MAGI2: variants seen among roughly 807,000 people sequenced by gnomAD.
MAGI2 encodes membrane-associated guanylate kinase, WW and PDZ domain-containing protein 2.
MAGI2 carries 35 observed loss-of-function variants against 133.3 expected under a neutral mutation model. The ratio of observed to expected loss-of-function variants is 0.26; its 90% CI spans 0.20 to 0.35. The LOEUF (loss-of-function observed/expected upper bound fraction) is 0.35. MAGI2 is among the 10% of genes least tolerant of loss of function. The probability of loss-of-function intolerance (pLI) is 1.00; values close to 1 mark genes in which losing one functional copy is unlikely to be tolerated. For missense variants in MAGI2, 1,636 were observed against 1,863.4 expected, an observed-to-expected ratio of 0.88 and a Z score of 2.25; for synonymous variants, 729 against 710.6, an observed-to-expected ratio of 1.03 and a Z score of -0.41.
chr7:78,301,144 T>C (rs950626135), intron 9 of MAGI2, among the ~76,000 whole-genome samples: 6 of 152,194 alleles, frequency 3.9e-5, no homozygotes, highest in Non-Finnish European at 8.8e-5. Flanking sequence ...CATGCTTCCA[T>C]GGGTGCTAAT....
At chr7:79,197,860 T>C (rs1828228514) in intron 1 of MAGI2, among the ~76,000 whole-genome samples, 2 of 151,878 alleles carry the variant, frequency 1.3e-5, no homozygotes, top group South Asian at 4.1e-4. Flanking sequence ...AGGGCACTAA[T>C]ATCATATCAC....
intron 6 of MAGI2, among the ~76,000 whole-genome samples, chr7:78,409,777 T>A (rs1797703815): frequency 6.6e-6 from 1 of 152,050 alleles, no homozygotes; most frequent in African/African-American, 2.4e-5. Context: ...AAGGAAGCTT[T>A]TGCATATGTT....
chr7:79,158,464 A>G (rs571571971), intron 1 of MAGI2, among the ~76,000 whole-genome samples: 1 of 152,098 alleles, frequency 6.6e-6, no homozygotes, highest in African/African-American at 2.4e-5. Context: ...GATATTAAAA[A>G]TGTCCTAAGA....
In MAGI2 at chr7:78,222,252, T is replaced by C. The variant is rs115957234; in HGVS notation, c.2048-21059A>G. 5.6e-3 allele frequency among the ~76,000 whole-genome samples: 855 copies of C among 152,326 alleles called. 4 individuals are homozygous for C. Among genetic ancestry groups the C allele is most frequent in the African/African-American group, 0.019 (798 of 41,568 alleles). On this transcript the variant is annotated intron_variant, in intron 10 of 21. Transcript: ENST00000354212. ...GTTTTATGGGATAGCAAAAAATTGA[T>C]GTTGATTTTTCTCTTCAGCAGCTGT...
chr7:79,103,291 C>T (rs896289864), intron 1 of MAGI2, among the ~76,000 whole-genome samples: 3 of 152,194 alleles, frequency 2.0e-5, no homozygotes, highest in African/African-American at 7.2e-5. Context: ...GCATCTCTTT[C>T]ACCTGAGTTC....
At chr7:78,926,526 C>A in intron 2 of MAGI2, among the ~76,000 whole-genome samples, 1 of 151,988 alleles carries the variant, frequency 6.6e-6, no homozygotes, top group East Asian at 1.9e-4. Context: ...TCCTGTCTTT[C>A]TTTCCTCTTC....
chr7:79,383,625 A>G (rs141812607), intron 1 of MAGI2, among the ~76,000 whole-genome samples: 39 of 151,706 alleles, frequency 2.6e-4, no homozygotes, highest in African/African-American at 8.9e-4. Flanking sequence ...GTATTTATTA[A>G]TATTAGAATC....
chr7:78,572,986 T>A (rs564293098), intron 3 of MAGI2, among the ~76,000 whole-genome samples: 1 of 135,984 alleles, frequency 7.4e-6, no homozygotes, highest in Non-Finnish European at 1.5e-5. Context: ...GTATTAGTCA[T>A]TGTTCACTAG....
Position 79,439,500 on chromosome 7 carries a change from G to C in MAGI2, c.301+13520C>G, listed in dbSNP as rs545156542. 6.7e-4 allele frequency among the ~76,000 whole-genome samples: 102 copies of C among 152,138 alleles called. 4 individuals are homozygous for C. The South Asian group carries it at 0.021, about 31-fold the overall frequency. ...CTTCTTCCTGTCCCTCCTATGTGCT[G>C]TAAAGGTAGTAATGTTTACTCTTGT... On this transcript the variant is annotated intron_variant, in intron 1 of 21. Transcript: ENST00000354212.
chr7:79,199,083 C>T (rs958113310), intron 1 of MAGI2, among the ~76,000 whole-genome samples: 24 of 151,798 alleles, frequency 1.6e-4, no homozygotes, highest in African/African-American at 2.9e-4. Flanking sequence ...TTAAACATTA[C>T]GAAATCCACA....
intron 2 of MAGI2, among the ~76,000 whole-genome samples, chr7:78,672,020 T>C (rs1278193090): frequency 6.6e-6 from 1 of 152,196 alleles, no homozygotes; most frequent in Non-Finnish European, 1.5e-5. Flanking sequence ...GTTTAAGCTT[T>C]AGCTTGTAAG....
Position 78,806,371 on chromosome 7 carries a change from T to C in MAGI2, c.419-179132A>G, listed in dbSNP as rs146426638. The stretch of plus-strand genomic sequence containing the variant: ...AAATTTCTTAGAGAAATGGCTGATA[T>C]ATTAAAAGTGTTCAATTAATATCAG... On this transcript the variant is annotated intron_variant, in intron 2 of 21. Coordinates refer to ENST00000354212, the MANE Select transcript of MAGI2 (RefSeq NM_012301.4). Among the ~76,000 whole-genome samples the C allele has an allele frequency of 6.6e-3, 1,000 of 152,266 alleles. 7 individuals carry two copies. The highest frequency in any genetic ancestry group is 0.024 in the Middle Eastern group (7 of 294).
intron 17 of MAGI2, 105 bp from the exon 18 acceptor site, chr7:78,133,165 G>T: frequency 1.2e-6 from 1 of 858,926 alleles, no homozygotes; most frequent in Non-Finnish European, 1.8e-6. Flanking sequence ...CTCAGGCTTT[G>T]GTTATTTCCG....
At chr7:78,065,475 C>T in intron 21 of MAGI2, 2 of 572,450 alleles carry the variant, frequency 3.5e-6, no homozygotes, top group South Asian at 5.0e-5. Flanking sequence ...AATAATTAGA[C>T]AAGCTACTAT....
intron 6 of MAGI2, among the ~76,000 whole-genome samples, chr7:78,410,338 A>G (rs1237051891): frequency 6.6e-6 from 1 of 152,068 alleles, no homozygotes; most frequent in East Asian, 1.9e-4. Context: ...TACATCTGCA[A>G]TGCAAAGTCA....
rs143950108 is a variant in MAGI2 at position 78,050,800 on chromosome 7, T to G, written c.3706+28147A>C. ...AAAACATCATTTTATGAGGACTTTC[T>G]TAATGAAACAGCACATATTTGCAGG... On this transcript the variant is annotated intron_variant, in intron 21 of 21. Coordinates refer to ENST00000354212, the MANE Select transcript of MAGI2 (RefSeq NM_012301.4). Among the ~76,000 whole-genome samples, 17 of 152,314 alleles carry G rather than the reference T, an allele frequency of 1.1e-4. No individual in the cohort carries two copies. In the East Asian group the frequency reaches 3.3e-3, roughly 29 times the overall value.
intron 2 of MAGI2, among the ~76,000 whole-genome samples, chr7:78,965,619 T>A (rs950792895): frequency 6.6e-6 from 1 of 152,052 alleles, no homozygotes; most frequent in Non-Finnish European, 1.5e-5. Flanking sequence ...CAGAATTTTG[T>A]CTTCTTTCAG....
intron 6 of MAGI2, among the ~76,000 whole-genome samples, chr7:78,414,182 G>A (rs1364739315): frequency 6.6e-6 from 1 of 151,890 alleles, no homozygotes; most frequent in Non-Finnish European, 1.5e-5. Context: ...AGTTGGCAAC[G>A]ACATAAATGC....
chr7:78,959,400 T>TA lies in MAGI2; in HGVS notation c.418+47689dup, dbSNP rs948408853. On this transcript the variant is annotated intron_variant, in intron 2 of 21. Transcript: ENST00000354212. Reference sequence around the variant, plus strand: ...AGGAAAGGTAAAAAGTATAATAAATTAAAAAAAAATCCCCATAGAAATGTA... The same window carrying TA: ...AGGAAAGGTAAAAAGTATAATAAATTAAAAAAAAAATCCCCATAGAAATGTA... Among the ~76,000 whole-genome samples, 36 of 151,502 alleles carry TA rather than the reference T, an allele frequency of 2.4e-4. No individual in the cohort carries two copies. In the South Asian group the frequency reaches 4.8e-3, roughly 20 times the overall value.
Sources: allele counts gnomAD v4.1 joint callset (sites outside exome capture counted in the v4.1 genomes callset), GRCh38; gene constraint gnomAD v4.1.1; transcripts MANE v1.5; gene names NCBI Gene and HGNC (gene_info 2026-07-23, HGNC 2026-07-21).